Variants in DOCK8 observed in about 807,000 individuals in gnomAD.
DOCK8 encodes the protein dedicator of cytokinesis 8, also known as dedicator of cytokinesis protein 8.
In DOCK8, 141 loss-of-function variants were observed where a neutral mutation model predicts 245.6. That is an observed-to-expected ratio of 0.57 (90% CI 0.50 to 0.66). The LOEUF (loss-of-function observed/expected upper bound fraction) is 0.66. DOCK8 is among the 30% of genes least tolerant of loss of function. The probability of loss-of-function intolerance (pLI) is 0.00; values close to 1 mark genes in which losing one functional copy is unlikely to be tolerated. For synonymous variants in DOCK8, 1,168 were observed against 970.2 expected, an observed-to-expected ratio of 1.20 and a Z score of -3.79; for missense variants, 2,965 against 2,603.4, an observed-to-expected ratio of 1.14 and a Z score of -3.02.
Position 368,037 on chromosome 9 carries a change from C to A in DOCK8, c.1699C>A (p.Pro567Thr), listed in dbSNP as rs1284672246. 2 of 1,613,748 alleles carry A rather than the reference C, an allele frequency of 1.2e-6. No homozygotes were observed. Among genetic ancestry groups the A allele is most frequent in the East Asian group, 4.5e-5 (2 of 44,884 alleles). The change falls in exon 15 of 48, where the codon CCA becomes ACA. Residue 567 changes from proline (P) to threonine (T), a missense_variant. Physicochemically the swap from Pro to Thr is conservative, Grantham distance 38 (BLOSUM62 -1). Around this residue, in one of 3 missense-constraint regions of DOCK8, gnomAD observed 2,825 missense variants for 2,453.5 expected, o/e 1.15. Coordinates refer to ENST00000432829, the MANE Select transcript of DOCK8 (RefSeq NM_203447.4). ...TVYRNLLYVY[P>T]QRLNFVNKLA... is the part of the protein sequence containing the mutation. ...TTCCAGAAACCTTCTCTATGTCTAC[C>A]CACAGAGGCTGAACTTTGTAAACAA...
chr9:244,955 G>A (rs982552876), intron 1 of DOCK8, among the ~76,000 whole-genome samples: 1 of 152,142 alleles, frequency 6.6e-6, no homozygotes, highest in Non-Finnish European at 1.5e-5. Context: ...GACTCTCCAG[G>A]GGCAGGGCAG....
chr9:292,870 A>G (rs1016264696), intron 4 of DOCK8, among the ~76,000 whole-genome samples: 2 of 152,204 alleles, frequency 1.3e-5, no homozygotes, highest in African/African-American at 4.8e-5. Context: ...GGATTAAAGC[A>G]TTAATCCAGA....
At position 449,873 on chromosome 9, in the gene DOCK8, T is replaced by C. The variant is rs2131866901; in HGVS notation, c.5907T>C (p.Asp1969=). 1.9e-6 allele frequency: 3 copies of C among 1,613,844 alleles called. No individual in the cohort carries two copies. The African/African-American group carries it at 4.0e-5, about 22-fold the overall frequency. The change falls in exon 45 of 48, where the codon GAT becomes GAC. Residue 1969 remains aspartate, a synonymous_variant. Transcript: ENST00000432829. The part of the protein sequence containing the change: ...LAVAINQEPP[D]AKMLQMVLQG... Reference sequence around the variant, plus strand: ...TTGCCATTAACCAGGAGCCGCCTGATGCAAAGATGCTTCAGATGGTGCTGC... The same window carrying C: ...TTGCCATTAACCAGGAGCCGCCTGACGCAAAGATGCTTCAGATGGTGCTGC...
chr9:383,544 C>G (rs1348466422), intron 22 of DOCK8, among the ~76,000 whole-genome samples: 1 of 151,788 alleles, frequency 6.6e-6, no homozygotes, highest in Non-Finnish European at 1.5e-5. Context: ...AAAAAAGATA[C>G]AAAACATTAG....
At chr9:412,249 C>T (rs1020627699) in intron 28 of DOCK8, among the ~76,000 whole-genome samples, 1 of 151,790 alleles carries the variant, frequency 6.6e-6, no homozygotes, top group African/African-American at 2.4e-5. Flanking sequence ...ACAAGAAATA[C>T]AAAAATTAGC....
chr9:249,373 G>C (rs891994746), intron 1 of DOCK8, among the ~76,000 whole-genome samples: 4 of 152,160 alleles, frequency 2.6e-5, no homozygotes, highest in African/African-American at 7.2e-5. Context: ...ATGAAAAGAG[G>C]AAAGTCAGTG....
Position 416,527 on chromosome 9 carries a change from G to C in DOCK8, c.3701-1541G>C, listed in dbSNP as rs188329648. Among the ~76,000 whole-genome samples the C allele has an allele frequency of 7.9e-5, 12 of 152,270 alleles. No individual in the cohort carries two copies. The East Asian group carries it at 2.3e-3, about 29-fold the overall frequency. ...TATATGCGTTGAACTTTATGATCAT[G>C]ATGTAGCTGATGAGAGAAAAAAACA... is the stretch of plus-strand genomic sequence containing the variant. On this transcript the variant is annotated intron_variant, in intron 29 of 47. Transcript: ENST00000432829.
chr9:445,448 T>G (rs1187581307), intron 43 of DOCK8, among the ~76,000 whole-genome samples: 1 of 152,232 alleles, frequency 6.6e-6, no homozygotes, highest in African/African-American at 2.4e-5. Context: ...TAATGAGTAC[T>G]TATTCGCTCT....
chr9:445,371 T>A (rs551336581), intron 43 of DOCK8, among the ~76,000 whole-genome samples: 1 of 152,224 alleles, frequency 6.6e-6, no homozygotes, highest in Non-Finnish European at 1.5e-5. Context: ...CACTCATCCC[T>A]TTCAGTGGGT....
chr9:401,207 G>C (rs4740739), intron 26 of DOCK8, among the ~76,000 whole-genome samples: 40,275 of 150,978 alleles, frequency 0.27, 6,326 homozygotes, highest in East Asian at 0.53. Flanking sequence ...AAATAAGAAG[G>C]GGGGGTTGAG....
At chr9:324,352 C>T (rs1358316976) in intron 7 of DOCK8, among the ~76,000 whole-genome samples, 1 of 152,176 alleles carries the variant, frequency 6.6e-6, no homozygotes, top group African/African-American at 2.4e-5. Flanking sequence ...ACTTTATTGA[C>T]ATGATGTCTG....
chr9:421,257 G>C (rs541976841), intron 32 of DOCK8, among the ~76,000 whole-genome samples, 179 bp downstream of exon 32: 1 of 152,282 alleles, frequency 6.6e-6, no homozygotes, highest in South Asian at 2.1e-4. Context: ...TGCCTGTGAG[G>C]GAAAGCGCTG....
chr9:345,600 C>G (rs2051842493), intron 14 of DOCK8, among the ~76,000 whole-genome samples: 1 of 152,208 alleles, frequency 6.6e-6, no homozygotes, highest in South Asian at 2.1e-4. Flanking sequence ...CTTTACCTGT[C>G]TTAAAGGAGC....
chr9:438,394 C>G (rs972604992), intron 39 of DOCK8, among the ~76,000 whole-genome samples: 2 of 152,224 alleles, frequency 1.3e-5, no homozygotes, highest in African/African-American at 4.8e-5. Context: ...TTTGTAATCC[C>G]TAAACTGGGA....
At chr9:427,405 G>A (rs1271191579) in intron 34 of DOCK8, among the ~76,000 whole-genome samples, 2 of 152,206 alleles carry the variant, frequency 1.3e-5, no homozygotes, top group Non-Finnish European at 2.9e-5. Flanking sequence ...GGTAAAAAGA[G>A]TGCTAAATTT....
intron 17 of DOCK8, 91 bp downstream of exon 17, chr9:371,657 A>AT (rs113741692): frequency 4.5e-6 from 7 of 1,560,636 alleles, no homozygotes; most frequent in African/African-American, 2.7e-5. Context: ...TATTCACTTG[A>AT]TTTTTTCCAG....
intron 1 of DOCK8, among the ~76,000 whole-genome samples, chr9:260,042 A>ATATG (rs2047879694): frequency 6.6e-6 from 1 of 152,230 alleles, no homozygotes; most frequent in African/African-American, 2.4e-5. Context: ...GGTAAACTAG[A>ATATG]TATGGGTTGC....
chr9:227,369 C>G (rs144772473), intron 1 of DOCK8, among the ~76,000 whole-genome samples: 2 of 152,144 alleles, frequency 1.3e-5, no homozygotes, highest in African/African-American at 4.8e-5. Context: ...CTGTCCCTCC[C>G]GATGGGAGGA....
At chr9:399,314 T>G in intron 26 of DOCK8, 55 bp downstream of exon 26, 1 of 1,200,868 alleles carries the variant, frequency 8.3e-7, no homozygotes, top group Non-Finnish European at 1.2e-6. Context: ...CCTTCTCATA[T>G]AATGTGATGT....
Sources: allele counts gnomAD v4.1 joint callset (sites outside exome capture counted in the v4.1 genomes callset), GRCh38; gene constraint gnomAD v4.1.1; regional missense constraint gnomAD v4.1.1; transcripts MANE v1.5; gene names NCBI Gene and HGNC (gene_info 2026-07-23, HGNC 2026-07-21).